ST8SIA4: variants seen among roughly 807,000 people sequenced by gnomAD.
The protein encoded by ST8SIA4 is CMP-N-acetylneuraminate-poly-alpha-2,8-sialyltransferase.
Under a neutral mutation model 33.9 loss-of-function variants are expected in ST8SIA4, and 15 were observed. The observed-to-expected ratio is 0.44, with a 90% confidence interval of 0.30 to 0.68. ST8SIA4 has a LOEUF of 0.68. ST8SIA4 is among the 30% of genes least tolerant of loss of function. The pLI is 0.10. For synonymous variants in ST8SIA4, 171 were observed against 151.2 expected, an observed-to-expected ratio of 1.13 and a Z score of -0.96; for missense variants, 321 against 428.0, an observed-to-expected ratio of 0.75 and a Z score of 2.21.
chr5:100,843,566 T>C (rs968762991), intron 4 of ST8SIA4, among the ~76,000 whole-genome samples: 8 of 152,044 alleles, frequency 5.3e-5, no homozygotes, highest in African/African-American at 1.7e-4. Flanking sequence ...ACAATATCAT[T>C]GCTGAAGAAA....
chr5:100,895,775 A>T lies in ST8SIA4; in HGVS notation c.124T>A (p.Leu42Met). 1 of 1,612,372 alleles carries T rather than the reference A, an allele frequency of 6.2e-7. No individual in the cohort carries two copies. The highest frequency in any genetic ancestry group is 2.2e-5 in the East Asian group (1 of 44,792). Residue 42 changes from leucine (L) to methionine (M), a missense_variant, in exon 2 of 5, where the codon TTG becomes ATG. Coordinates refer to ENST00000231461, the MANE Select transcript of ST8SIA4 (RefSeq NM_005668.6). Reference sequence around the variant, plus strand: ...TTGACAAGTGACCGACTCAAAGACAATTCACCATCTCTGAAACAAAACAAA... The same window carrying T: ...TTGACAAGTGACCGACTCAAAGACATTTCACCATCTCTGAAACAAAACAAA... ...QETQLIGDGE[L>M]SLSRSLVNSS...
intron 3 of ST8SIA4, among the ~76,000 whole-genome samples, chr5:100,857,096 T>A (rs1751830358): frequency 6.6e-6 from 1 of 152,140 alleles, no homozygotes; most frequent in Admixed American, 6.5e-5. Context: ...CCTCAAAATA[T>A]CTGTTTTCCC....
At chr5:100,850,327 C>CTTATTAATT (rs1751665194) in intron 4 of ST8SIA4, among the ~76,000 whole-genome samples, 1 of 151,584 alleles carries the variant, frequency 6.6e-6, no homozygotes, top group African/African-American at 2.4e-5. Context: ...AAAGTAGAAG[C>CTTATTAATT]TTATTAATTT....
chr5:100,830,871 CAT>C lies in ST8SIA4; in HGVS notation c.798-18744_798-18743del, dbSNP rs754413049. On this transcript the variant is annotated intron_variant, in intron 4 of 4. Coordinates refer to ENST00000231461, the MANE Select transcript of ST8SIA4 (RefSeq NM_005668.6). ...TAATTTCTACAGGAGATTCAGTAAT[CAT>C]ATCTATTTATGTAACTATACTTGCA... 3.9e-5 allele frequency among the ~76,000 whole-genome samples: 6 copies of C among 152,170 alleles called. No homozygotes were observed. In the East Asian group the frequency reaches 7.7e-4, roughly 20 times the overall value.
chr5:100,851,543 G>A lies in ST8SIA4; in HGVS notation c.797+4560C>T, dbSNP rs1183888560. Among the ~76,000 whole-genome samples the A allele has an allele frequency of 2.6e-5, 4 of 151,952 alleles. No homozygotes were observed. The East Asian group carries it at 7.7e-4, about 29-fold the overall frequency. Reference sequence around the variant, plus strand: ...TGTATTTATGTGTTGTTGAGAAAATGTCATGTTAATTTAAAAAATAAAGTG... The same window carrying A: ...TGTATTTATGTGTTGTTGAGAAAATATCATGTTAATTTAAAAAATAAAGTG... On this transcript the variant is annotated intron_variant, in intron 4 of 4. Coordinates refer to ENST00000231461, the MANE Select transcript of ST8SIA4 (RefSeq NM_005668.6).
intron 2 of ST8SIA4, among the ~76,000 whole-genome samples, chr5:100,888,420 A>C (rs1752588325): frequency 6.6e-6 from 1 of 151,950 alleles, no homozygotes; most frequent in Admixed American, 6.6e-5. Context: ...GGGGTATCCA[A>C]CATAATAGGG....
chr5:100,840,127 A>T (rs1394815643), intron 4 of ST8SIA4, among the ~76,000 whole-genome samples: 1 of 151,806 alleles, frequency 6.6e-6, no homozygotes, highest in African/African-American at 2.4e-5. Context: ...ACACAGCAAC[A>T]TTGTCTAATA....
chr5:100,812,854 G>T (rs1750842261), intron 4 of ST8SIA4, among the ~76,000 whole-genome samples: 1 of 152,056 alleles, frequency 6.6e-6, no homozygotes, highest in Non-Finnish European at 1.5e-5. Flanking sequence ...GGTGTGAAAA[G>T]CACGCAAACT....
chr5:100,852,357 G>A (rs1413037642), intron 4 of ST8SIA4, among the ~76,000 whole-genome samples: 3 of 150,992 alleles, frequency 2.0e-5, no homozygotes, highest in African/African-American at 7.3e-5. Context: ...CCTGACCTCA[G>A]GTAATCCACG....
At chr5:100,876,301 G>A (rs371403321) in intron 3 of ST8SIA4, among the ~76,000 whole-genome samples, 15 of 152,084 alleles carry the variant, frequency 9.9e-5, no homozygotes, top group African/African-American at 2.9e-4. Flanking sequence ...GAAGAGATAC[G>A]TCTAAGGAAT....
At chr5:100,842,724 T>G (rs1751494147) in intron 4 of ST8SIA4, among the ~76,000 whole-genome samples, 1 of 151,802 alleles carries the variant, frequency 6.6e-6, no homozygotes, top group Non-Finnish European at 1.5e-5. Context: ...ATAATTTGAA[T>G]AAAATGCAGA....
chr5:100,862,015 A>G (rs1354577646), intron 3 of ST8SIA4, among the ~76,000 whole-genome samples: 2 of 152,192 alleles, frequency 1.3e-5, no homozygotes, highest in Non-Finnish European at 2.9e-5. Flanking sequence ...AAATGCATGC[A>G]GGTAAGTTAA....
chr5:100,841,329 T>C (rs1322616537), intron 4 of ST8SIA4, among the ~76,000 whole-genome samples: 2 of 151,860 alleles, frequency 1.3e-5, no homozygotes, highest in Non-Finnish European at 2.9e-5. Flanking sequence ...CTTATTTCTT[T>C]AAAAAGAGGT....
intron 4 of ST8SIA4, 32 bp from the exon 5 acceptor site, chr5:100,812,161 A>G (rs1254001946): frequency 6.3e-7 from 1 of 1,589,962 alleles, no homozygotes; most frequent in East Asian, 2.2e-5. Flanking sequence ...TCAAGAAGAG[A>G]AGAATTTAGA....
intron 4 of ST8SIA4, among the ~76,000 whole-genome samples, chr5:100,843,352 T>G (rs2112425926): frequency 6.6e-6 from 1 of 151,976 alleles, no homozygotes; most frequent in Non-Finnish European, 1.5e-5. Context: ...ATCAGTTTAT[T>G]CTTAGTTAGA....
intron 3 of ST8SIA4, among the ~76,000 whole-genome samples, chr5:100,867,339 G>C (rs1262394912): frequency 1.3e-5 from 2 of 151,972 alleles, no homozygotes; most frequent in African/African-American, 4.8e-5. Flanking sequence ...AAAATCATCA[G>C]GGAAACTGAC....
At chr5:100,882,907 G>A (rs1752455931) in intron 3 of ST8SIA4, among the ~76,000 whole-genome samples, 1 of 152,274 alleles carries the variant, frequency 6.6e-6, no homozygotes, top group Non-Finnish European at 1.5e-5. Context: ...TGCCTAGGCA[G>A]AAGTTCGCTG....
chr5:100,863,673 C>A (rs552407891), intron 3 of ST8SIA4, among the ~76,000 whole-genome samples: 50 of 152,030 alleles, frequency 3.3e-4, no homozygotes, highest in Non-Finnish European at 6.3e-4. Flanking sequence ...GAACTCAAGT[C>A]TTGAAATAAA....
intron 3 of ST8SIA4, among the ~76,000 whole-genome samples, chr5:100,864,178 G>GAA (rs545985432): frequency 6.6e-6 from 1 of 152,254 alleles, no homozygotes; most frequent in South Asian, 2.1e-4. Flanking sequence ...CAATTAAAAA[G>GAA]AAATTCTAAC....
Sources: allele counts gnomAD v4.1 joint callset (sites outside exome capture counted in the v4.1 genomes callset), GRCh38; gene constraint gnomAD v4.1.1; transcripts MANE v1.5; gene names NCBI Gene and HGNC (gene_info 2026-07-23, HGNC 2026-07-21).